Variants in CDH22 observed in about 807,000 individuals in gnomAD.
CDH22 encodes the protein cadherin 22, also known as cadherin-22.
CDH22 carries 30 observed loss-of-function variants against 58.4 expected under a neutral mutation model. That is an observed-to-expected ratio of 0.51 (90% CI 0.38 to 0.70). The LOEUF (loss-of-function observed/expected upper bound fraction) is 0.70, where lower values mean the gene tolerates loss of function less well. CDH22 is among the 30% of genes least tolerant of loss of function. The pLI, the probability that CDH22 is intolerant of heterozygous loss-of-function variation, is 0.00. For missense variants in CDH22, 1,014 were observed against 1,233.9 expected (o/e 0.82, Z 2.67); for synonymous variants, 513 against 558.2 (o/e 0.92, Z 1.14).
chr20:46,256,107 G>A (rs999640887), intron 1 of CDH22, among the ~76,000 whole-genome samples: 1 of 152,196 alleles, frequency 6.6e-6, no homozygotes, highest in African/African-American at 2.4e-5. Context: ...GTGACTGAGT[G>A]TGCATGACGA....
At chr20:46,303,259 A>G (rs1600732086) in intron 1 of CDH22, among the ~76,000 whole-genome samples, 1 of 151,908 alleles carries the variant, frequency 6.6e-6, no homozygotes, top group African/African-American at 2.4e-5. Flanking sequence ...GGGCCTTGGT[A>G]CCCCTTGGCA....
intron 1 of CDH22, among the ~76,000 whole-genome samples, chr20:46,258,431 C>T (rs1006562655): frequency 6.6e-6 from 1 of 152,188 alleles, no homozygotes. Context: ...GCACCCCCTC[C>T]TCTACTCTTC....
At position 46,213,191 on chromosome 20, in the gene CDH22, G is replaced by GT. The variant is rs1393751577; in HGVS notation, c.839-4dup. 2 of 1,613,848 alleles carry GT rather than the reference G, an allele frequency of 1.2e-6. No individual in the cohort carries two copies. The highest frequency in any genetic ancestry group is 2.7e-5 in the African/African-American group (2 of 75,018). On this transcript the variant is annotated splice_polypyrimidine_tract_variant and splice_region_variant and intron_variant, in intron 5 of 11. Coordinates refer to ENST00000537909, the MANE Select transcript of CDH22 (RefSeq NM_021248.3). The stretch of plus-strand genomic sequence containing the variant: ...CTGGATGCTGAACTGGTACATCTCT[G>GT]TGGGGGACACGGCCATGAGCAGGGA...
chr20:46,236,796 ATTC>A (rs952410718), intron 3 of CDH22, among the ~76,000 whole-genome samples: 5 of 151,448 alleles, frequency 3.3e-5, no homozygotes, highest in African/African-American at 1.2e-4. Flanking sequence ...AGTTCAAGCA[ATTC>A]TTCTGCCTCA....
At position 46,216,191 on chromosome 20, in the gene CDH22, G is replaced by C. The variant is rs566728956; in HGVS notation, c.838+635C>G. ...GCCTGAGCCTGGGACAGAGGGGTTG[G>C]CTGGGCTGATAGGGAGCTGGGAGGC... On this transcript the variant is annotated intron_variant, in intron 5 of 11. Coordinates refer to ENST00000537909, the MANE Select transcript of CDH22 (RefSeq NM_021248.3). The surrounding 1 kb of genome is among the most constrained non-coding windows in gnomAD (Gnocchi z 5.3). Among the ~76,000 whole-genome samples, 4 of 152,330 alleles carry C rather than the reference G, an allele frequency of 2.6e-5. No individual in the cohort carries two copies. The South Asian group carries it at 8.3e-4, about 32-fold the overall frequency.
Position 46,174,781 on chromosome 20 carries a change from GC to G in CDH22, c.2211del (p.Pro738ArgfsTer166). On this transcript the variant is annotated frameshift_variant, in exon 12 of 12. Coordinates refer to ENST00000537909, the MANE Select transcript of CDH22 (RefSeq NM_021248.3). LOFTEE classifies it low-confidence loss of function (END_TRUNC). This position sits in a 1 kb window ranked among gnomAD's most constrained non-coding sequence, Gnocchi z 4.4. ...ACTGAGAAGTCTGGCTCGGGGCTCGGCGGCCCCTGCGGCAGCGAGTGGCGCT... is the reference window on the plus strand; with the variant it reads ...ACTGAGAAGTCTGGCTCGGGGCTCGGGGCCCCTGCGGCAGCGAGTGGCGCT... ...PSERHSLPQG[P>X]PSPEPDFSVF... is the part of the protein sequence containing the mutation. 6.6e-7 allele frequency: 1 copy of G among 1,510,194 alleles called. No homozygotes were observed. Among genetic ancestry groups the G allele is most frequent in the Non-Finnish European group, 8.8e-7 (1 of 1,136,222 alleles). The allele number at this position is 1,510,194 out of a possible 1,614,324, so 93.5% of individuals were successfully genotyped here.
At chr20:46,217,865 A>C (rs2086097125) in intron 4 of CDH22, among the ~76,000 whole-genome samples, 1 of 152,062 alleles carries the variant, frequency 6.6e-6, no homozygotes, top group Non-Finnish European at 1.5e-5. Flanking sequence ...ACACACTCTC[A>C]TACACACTGT....
chr20:46,198,329 C>T (rs1386666248), intron 8 of CDH22, among the ~76,000 whole-genome samples: 1 of 148,444 alleles, frequency 6.7e-6, no homozygotes, highest in Non-Finnish European at 1.5e-5. Context: ...CACACACACA[C>T]ACATATTCTT....
At chr20:46,198,380 CT>C (rs1321601722) in intron 8 of CDH22, among the ~76,000 whole-genome samples, 1 of 151,672 alleles carries the variant, frequency 6.6e-6, no homozygotes, top group Admixed American at 6.6e-5. Context: ...ATCCTTGACC[CT>C]TCTCCATCTC....
At chr20:46,230,892 G>A (rs570572337) in intron 3 of CDH22, among the ~76,000 whole-genome samples, 1 of 152,184 alleles carries the variant, frequency 6.6e-6, no homozygotes, top group Non-Finnish European at 1.5e-5. Flanking sequence ...GCAGGAGAGA[G>A]GCAGGTTTCA....
At chr20:46,267,846 G>A (rs758538425) in intron 1 of CDH22, among the ~76,000 whole-genome samples, 6 of 152,282 alleles carry the variant, frequency 3.9e-5, no homozygotes, top group Non-Finnish European at 7.3e-5. Context: ...AACAGGCCTT[G>A]AGCCAGAGCT....
chr20:46,241,292 G>A lies in CDH22; in HGVS notation c.256-35C>T. On this transcript the variant is annotated intron_variant, in intron 2 of 11. Coordinates refer to ENST00000537909, the MANE Select transcript of CDH22 (RefSeq NM_021248.3). This position sits in a 1 kb window ranked among gnomAD's most constrained non-coding sequence, Gnocchi z 5.2. ...CAGAGAAGAAGGCAAGGTGGAGGCT[G>A]AGAAGGAAGCTCCTCTTGGCCTCAC... 1 of 1,540,834 alleles carries A rather than the reference G, an allele frequency of 6.5e-7. No homozygotes were observed. Among genetic ancestry groups the A allele is most frequent in the East Asian group, 2.3e-5 (1 of 43,822 alleles).
chr20:46,247,728 G>A (rs946194634), intron 2 of CDH22, among the ~76,000 whole-genome samples: 10 of 152,246 alleles, frequency 6.6e-5, no homozygotes, highest in South Asian at 4.2e-4. Context: ...TTGAGCCCAC[G>A]CAGTACAGCT....
chr20:46,237,785 A>T (rs933725778), intron 3 of CDH22, among the ~76,000 whole-genome samples: 7 of 152,178 alleles, frequency 4.6e-5, no homozygotes, highest in African/African-American at 1.7e-4. Context: ...ACCTTGGATG[A>T]GTCCTTGCCC....
chr20:46,258,867 G>T (rs2086418696), intron 1 of CDH22, among the ~76,000 whole-genome samples: 1 of 152,212 alleles, frequency 6.6e-6, no homozygotes, highest in Non-Finnish European at 1.5e-5. Flanking sequence ...CTGACTGCAG[G>T]GTCCCAGGGG....
chr20:46,240,898 TC>T (rs1234291726), intron 3 of CDH22, 64 bp downstream of exon 3: 2 of 1,433,698 alleles, frequency 1.4e-6, no homozygotes, highest in Admixed American at 3.8e-5. Context: ...CTACTCCCCT[TC>T]CCAGCAGGCT....
At chr20:46,279,032 A>G (rs1242722491) in intron 1 of CDH22, among the ~76,000 whole-genome samples, 1 of 152,178 alleles carries the variant, frequency 6.6e-6, no homozygotes, top group Non-Finnish European at 1.5e-5. Context: ...GTTCTGGTCC[A>G]GACACTGTTC....
chr20:46,194,518 G>A (rs964929460), intron 8 of CDH22, among the ~76,000 whole-genome samples: 1 of 152,166 alleles, frequency 6.6e-6, no homozygotes, highest in Non-Finnish European at 1.5e-5. Flanking sequence ...GATGGGTATA[G>A]GGCTGGAGCC....
Position 46,300,829 on chromosome 20 carries a change from ATG to A in CDH22, c.-400+7424_-400+7425del, listed in dbSNP as rs2086648224. Among the ~76,000 whole-genome samples the A allele has an allele frequency of 6.6e-6, 1 of 152,238 alleles. No homozygotes were observed. Among genetic ancestry groups the A allele is most frequent in the African/African-American group, 2.4e-5 (1 of 41,462 alleles). On this transcript the variant is annotated intron_variant, in intron 1 of 11. Transcript: ENST00000537909. This position sits in a 1 kb window ranked among gnomAD's most constrained non-coding sequence, Gnocchi z 4.4. ...GAAATCATCGGACAAGAGCGTGAAG[ATG>A]TGTGTACAAGGATGTTCATGGCAGA...
Sources: allele counts gnomAD v4.1 joint callset (sites outside exome capture counted in the v4.1 genomes callset), GRCh38; gene constraint gnomAD v4.1.1; non-coding constraint Gnocchi (gnomAD v3.1); transcripts MANE v1.5; gene names NCBI Gene and HGNC (gene_info 2026-07-23, HGNC 2026-07-21).